BLTP2: variants seen among roughly 807,000 people sequenced by gnomAD.
BLTP2 encodes U937-associated antigen.
chr17:28,645,030 C>T, the BLTP2 span: 1 of 1,601,690 alleles, frequency 6.2e-7, no homozygotes, highest in East Asian at 2.3e-5. Context: ...GCAGCAAGAC[C>T]AACAGCGCGG....
the BLTP2 span, chr17:28,616,809 C>T: frequency 5.0e-6 from 8 of 1,611,458 alleles, no homozygotes; most frequent in African/African-American, 1.3e-5. The surrounding 1 kb of genome is among the most constrained non-coding windows in gnomAD (Gnocchi z 4.8). Context: ...CATCAGTTTA[C>T]CTACTCCTAA....
At chr17:28,615,162 G>T in the BLTP2 span, 1 of 1,614,110 alleles carries the variant, frequency 6.2e-7, no homozygotes, top group Non-Finnish European at 8.5e-7. Context: ...TCCTGCTGTT[G>T]CATGTTCAGG....
chr17:28,623,845 C>T, the BLTP2 span: 1 of 1,614,188 alleles, frequency 6.2e-7, no homozygotes, highest in Non-Finnish European at 8.5e-7. Context: ...GAGGCAAGTC[C>T]AGGATGTCTT....
the BLTP2 span, chr17:28,620,422 T>C: frequency 1.4e-6 from 2 of 1,474,540 alleles, no homozygotes; most frequent in Middle Eastern, 2.1e-4. Context: ...GTGTGAAGCA[T>C]GGCTTTTGTT....
chr17:28,643,320 A>T, the BLTP2 span: 1 of 1,613,772 alleles, frequency 6.2e-7, no homozygotes, highest in Non-Finnish European at 8.5e-7. Flanking sequence ...GTCTGCCCAG[A>T]AGAGAAATCT....
the BLTP2 span, chr17:28,620,899 A>T: frequency 2.4e-6 from 3 of 1,266,544 alleles, no homozygotes; most frequent in Non-Finnish European, 3.4e-6. Context: ...TGGATTTTTA[A>T]TAACTCTACT....
the BLTP2 span, among the ~76,000 whole-genome samples, chr17:28,624,708 A>G: frequency 6.6e-6 from 1 of 151,738 alleles, no homozygotes. Context: ...TTTTCATTTC[A>G]TATTATTTTA....
chr17:28,616,889 C>T, the BLTP2 span: 2 of 1,612,650 alleles, frequency 1.2e-6, no homozygotes, highest in African/African-American at 1.3e-5. This position sits in a 1 kb window ranked among gnomAD's most constrained non-coding sequence, Gnocchi z 4.8. Flanking sequence ...GCTTACTAAC[C>T]TCAAAATGCT....
At chr17:28,623,746 A>G in the BLTP2 span, 1 of 1,612,048 alleles carries the variant, frequency 6.2e-7, no homozygotes, top group Non-Finnish European at 8.5e-7. Flanking sequence ...GCCTTCACAA[A>G]CTCACTGACT....
the BLTP2 span, chr17:28,638,565 T>C: frequency 6.2e-7 from 1 of 1,613,742 alleles, no homozygotes; most frequent in Non-Finnish European, 8.5e-7. Flanking sequence ...AGGTGGTGTA[T>C]CTCCAAGTTG....
chr17:28,635,496 A>G, the BLTP2 span: 2 of 1,614,196 alleles, frequency 1.2e-6, no homozygotes, highest in Non-Finnish European at 1.7e-6. Context: ...CAGTCTCAGG[A>G]AACACAGTGG....
chr17:28,635,751 C>G, the BLTP2 span: 2 of 806,160 alleles, frequency 2.5e-6, no homozygotes, highest in East Asian at 2.7e-5. Flanking sequence ...TAATTACTGC[C>G]TTGCTTTGTT....
chr17:28,641,355 T>C, the BLTP2 span, among the ~76,000 whole-genome samples: 1 of 152,156 alleles, frequency 6.6e-6, no homozygotes, highest in Non-Finnish European at 1.5e-5. Context: ...AAACACATAG[T>C]ACAAGGCCAG....
the BLTP2 span, chr17:28,619,540 ACAT>A: frequency 7.9e-7 from 1 of 1,273,082 alleles, no homozygotes; most frequent in Non-Finnish European, 1.1e-6. Context: ...ACCTACTCCT[ACAT>A]CAGCCTTTGA....
chr17:28,633,967 A>G, the BLTP2 span: 3 of 1,614,022 alleles, frequency 1.9e-6, no homozygotes, highest in African/African-American at 2.7e-5. Flanking sequence ...GGAAGCCCCA[A>G]GTGCAAGATC....
chr17:28,623,575 C>A, the BLTP2 span, among the ~76,000 whole-genome samples: 71 of 115,632 alleles, frequency 6.1e-4, no homozygotes, highest in African/African-American at 3.4e-3. Flanking sequence ...AAATAGAACA[C>A]CATGAGGAAA....
chr17:28,639,478 G>C, the BLTP2 span: 15 of 1,613,196 alleles, frequency 9.3e-6, no homozygotes, highest in East Asian at 2.0e-4. Context: ...AAGAAGACCA[G>C]AACTGTGGGT....
At chr17:28,635,490 C>T in the BLTP2 span, 1 of 1,614,188 alleles carries the variant, frequency 6.2e-7, no homozygotes, top group Non-Finnish European at 8.5e-7. Flanking sequence ...ATGGTACAGT[C>T]TCAGGAAACA....
the BLTP2 span, among the ~76,000 whole-genome samples, chr17:28,625,334 C>CAAAAAAAAA: frequency 1.4e-4 from 4 of 29,050 alleles, no homozygotes; most frequent in Non-Finnish European, 2.0e-4. Context: ...GACTCCGTCT[C>CAAAAAAAAA]AAAAAAAAAA....
Sources: allele counts gnomAD v4.1 joint callset (sites outside exome capture counted in the v4.1 genomes callset), GRCh38; gene constraint gnomAD v4.1.1; non-coding constraint Gnocchi (gnomAD v3.1); transcripts MANE v1.5; gene names NCBI Gene and HGNC (gene_info 2026-07-23, HGNC 2026-07-21).